The following LDB3 variants were observed in gnomAD, a reference collection of about 807,000 sequenced individuals.
LDB3 encodes the protein LIM domain-binding protein 3.
A neutral mutation model predicts 69.0 loss-of-function variants in LDB3; 49 were observed. The ratio of observed to expected loss-of-function variants is 0.71; its 90% CI spans 0.56 to 0.90. The LOEUF is 0.90. LDB3 is among the 40% of genes least tolerant of loss of function. LDB3 has a pLI of 0.00. For synonymous variants in LDB3, 387 were observed against 396.2 expected, an observed-to-expected ratio of 0.98 and a Z score of 0.28; for missense variants, 928 against 974.1, an observed-to-expected ratio of 0.95 and a Z score of 0.63.
Position 86,716,779 on chromosome 10 carries a change from C to T in LDB3, c.1676+8C>T. The T allele has an allele frequency of 2.5e-6, 4 of 1,598,426 alleles. No individual in the cohort carries two copies. The highest frequency in any genetic ancestry group is 3.4e-6 in the Non-Finnish European group (4 of 1,173,068). Reference sequence around the variant, plus strand: ...CTGCAACAATGTCATCCGGTATGGTCCAGCTGTGCCCCTGCACTGGGGCAC... The same window carrying T: ...CTGCAACAATGTCATCCGGTATGGTTCAGCTGTGCCCCTGCACTGGGGCAC... On this transcript the variant is annotated splice_region_variant and intron_variant, in intron 10 of 13. Coordinates refer to ENST00000361373, the MANE Select transcript of LDB3 (RefSeq NM_007078.3).
chr10:86,717,720 A>T (rs546692641), intron 10 of LDB3, among the ~76,000 whole-genome samples: 1 of 152,328 alleles, frequency 6.6e-6, no homozygotes, highest in African/African-American at 2.4e-5. Flanking sequence ...TGAATTCTAT[A>T]ATATGTTTAC....
intron 7 of LDB3, among the ~76,000 whole-genome samples, chr10:86,703,456 C>T (rs1436025213): frequency 6.6e-6 from 1 of 152,242 alleles, no homozygotes; most frequent in Admixed American, 6.5e-5. Flanking sequence ...CTGGGCTGCC[C>T]AAGACCGCCT....
At chr10:86,689,118 T>A (rs1025917112) in intron 5 of LDB3, among the ~76,000 whole-genome samples, 1 of 152,140 alleles carries the variant, frequency 6.6e-6, no homozygotes, top group African/African-American at 2.4e-5. Flanking sequence ...AATGACCGTG[T>A]TTTTTCTCTT....
chr10:86,686,534 G>A (rs1048528014), intron 5 of LDB3, among the ~76,000 whole-genome samples: 2 of 152,184 alleles, frequency 1.3e-5, no homozygotes, highest in African/African-American at 4.8e-5. Context: ...ACCCTTCTAT[G>A]GCCAGGAGTG....
intron 2 of LDB3, among the ~76,000 whole-genome samples, chr10:86,676,570 AAAAAAAAAAGAGAAAG>A (rs1844803137): frequency 2.1e-5 from 3 of 144,426 alleles, no homozygotes; most frequent in Non-Finnish European, 4.5e-5. Context: ...GTCTCAAAAA[AAAAAAAAAAGAGAAAG>A]AAAAAAAAAA....
At chr10:86,726,092 C>A in intron 12 of LDB3, 45 bp from the exon 13 acceptor site, 1 of 1,435,448 alleles carries the variant, frequency 7.0e-7, no homozygotes, top group South Asian at 1.1e-5. Context: ...TGGGTCCCCG[C>A]TGCCCCCACT....
intron 5 of LDB3, among the ~76,000 whole-genome samples, chr10:86,685,984 C>A (rs3802662): frequency 6.6e-6 from 1 of 151,668 alleles, no homozygotes. Context: ...CGGTGGCGGG[C>A]GCAGGGGGAG....
chr10:86,679,923 G>C (rs1845017780), intron 3 of LDB3, among the ~76,000 whole-genome samples, 159 bp from the exon 4 acceptor site: 1 of 152,216 alleles, frequency 6.6e-6, no homozygotes, highest in African/African-American at 2.4e-5. Flanking sequence ...GGGAGATCCA[G>C]CCCATGGGGT....
At chr10:86,685,337 T>TA (rs1400699256) in intron 5 of LDB3, among the ~76,000 whole-genome samples, 2 of 152,188 alleles carry the variant, frequency 1.3e-5, no homozygotes, top group East Asian at 3.9e-4. Flanking sequence ...GCTTCCACTC[T>TA]GGGGTCTATA....
rs752301693 is a variant in LDB3 at position 86,716,307 on chromosome 10, G to GT, written c.1232-12dup. 5.8e-5 allele frequency: 93 copies of GT among 1,610,534 alleles called. No homozygotes were observed. Among genetic ancestry groups the GT allele is most frequent in the East Asian group, 1.3e-4 (6 of 44,858 alleles). On this transcript the variant is annotated intron_variant, in intron 9 of 13. Coordinates refer to ENST00000361373, the MANE Select transcript of LDB3 (RefSeq NM_007078.3). ...GAATTCCTGACACACCTTTCTTTGG[G>GT]TTTTTTTTGGCTTTTGCAGTGCCTG...
intron 5 of LDB3, among the ~76,000 whole-genome samples, chr10:86,686,400 C>T (rs574251876): frequency 4.8e-4 from 73 of 152,316 alleles, no homozygotes; most frequent in Non-Finnish European, 8.8e-4. Flanking sequence ...CCCATGCCTG[C>T]GCTTCCCCTG....
chr10:86,730,890 C>T (rs148148223), intron 13 of LDB3, among the ~76,000 whole-genome samples: 1,532 of 152,188 alleles, frequency 0.01, 11 homozygotes, highest in Non-Finnish European at 0.014. Flanking sequence ...TGGTGGCTCA[C>T]GCCTGTAATC....
intron 13 of LDB3, among the ~76,000 whole-genome samples, chr10:86,731,228 T>TC (rs1847449029): frequency 7.1e-6 from 1 of 140,458 alleles, no homozygotes; most frequent in Non-Finnish European, 1.5e-5. Flanking sequence ...TATCTACCTT[T>TC]TTTTTTTTTT....
intron 3 of LDB3, 82 bp downstream of exon 3, chr10:86,679,600 G>A (rs745722998): frequency 5.2e-5 from 76 of 1,473,220 alleles, no homozygotes; most frequent in Non-Finnish European, 6.2e-5. Flanking sequence ...TTGTCCCATA[G>A]CAATTGAGTG....
chr10:86,727,737 C>T (rs1847305292), intron 13 of LDB3, among the ~76,000 whole-genome samples: 1 of 152,150 alleles, frequency 6.6e-6, no homozygotes, highest in African/African-American at 2.4e-5. Flanking sequence ...TGTGTAACTC[C>T]AATCCCTGCC....
chr10:86,716,217 C>T, intron 9 of LDB3, 110 bp from the exon 10 acceptor site: 2 of 1,282,862 alleles, frequency 1.6e-6, no homozygotes, highest in Non-Finnish European at 2.3e-6. Flanking sequence ...TGAAATTGTA[C>T]TGCTCTAATG....
In LDB3 at chr10:86,733,101, G is replaced by A. The variant is rs560851970; in HGVS notation, c.*125G>A. 2.6e-5 allele frequency: 19 copies of A among 733,710 alleles called. 1 individual carries two copies. The East Asian group carries it at 4.6e-4, about 18-fold the overall frequency. The allele number at this position is 733,710 out of a possible 1,614,324, so 45.4% of individuals were successfully genotyped here. ...AGAGAGGAAGCGACTGAGCCCTTTG[G>A]AAGTATAATTTTAGGTTTTTTCTTC... On this transcript the variant is annotated 3_prime_UTR_variant, in exon 14 of 14. Transcript: ENST00000361373.
At chr10:86,710,284 A>G (rs377511713) in intron 9 of LDB3, 36 of 984,156 alleles carry the variant, frequency 3.7e-5, no homozygotes, top group Middle Eastern at 5.2e-4. Flanking sequence ...GGGAGAGCGA[A>G]GGAGAGCAGA....
intron 5 of LDB3, chr10:86,687,334 T>C: frequency 1.3e-6 from 2 of 1,492,230 alleles, no homozygotes; most frequent in Non-Finnish European, 1.9e-6. Context: ...TATGGGCCAT[T>C]GGGCACCATC....
Sources: allele counts gnomAD v4.1 joint callset (sites outside exome capture counted in the v4.1 genomes callset), GRCh38; gene constraint gnomAD v4.1.1; transcripts MANE v1.5; gene names NCBI Gene and HGNC (gene_info 2026-07-23, HGNC 2026-07-21).